The following PPM1H variants were observed in gnomAD, a reference collection of about 807,000 sequenced individuals.
The protein encoded by PPM1H is protein phosphatase 1H.
In PPM1H, 27 loss-of-function variants were observed where a neutral mutation model predicts 54.9. The observed-to-expected ratio is 0.49, with a 90% CI of 0.36 to 0.68. The LOEUF is 0.68. Among genes scored for constraint, PPM1H ranks in the 30% least tolerant of loss-of-function variants. The probability of loss-of-function intolerance (pLI) is 0.00; values close to 1 mark genes in which losing one functional copy is unlikely to be tolerated. For missense variants in PPM1H, 596 were observed against 667.8 expected, an observed-to-expected ratio of 0.89 and a Z score of 1.19; for synonymous variants, 305 against 270.8, an observed-to-expected ratio of 1.13 and a Z score of -1.24.
At chr12:62,891,034 AG>A (rs1165653573) in intron 1 of PPM1H, among the ~76,000 whole-genome samples, 1 of 141,430 alleles carries the variant, frequency 7.1e-6, no homozygotes, top group African/African-American at 2.7e-5. Context: ...GCTTGATCCC[AG>A]GAGGTGGAGG....
chr12:62,793,426 C>T (rs997190915), intron 3 of PPM1H, among the ~76,000 whole-genome samples: 6 of 151,654 alleles, frequency 4.0e-5, no homozygotes, highest in Non-Finnish European at 8.8e-5. Flanking sequence ...AAACGGGAGC[C>T]GAGAAAGCAA....
chr12:62,845,358 T>C (rs1868923581), intron 1 of PPM1H, among the ~76,000 whole-genome samples: 1 of 152,238 alleles, frequency 6.6e-6, no homozygotes, highest in South Asian at 2.1e-4. Context: ...TTCTAACTGT[T>C]GAGCCTATAC....
intron 6 of PPM1H, among the ~76,000 whole-genome samples, chr12:62,700,272 G>A (rs138235773): frequency 6.6e-6 from 1 of 152,108 alleles, no homozygotes; most frequent in East Asian, 1.9e-4. Flanking sequence ...CTGGTCATGT[G>A]GCCTGCAGCA....
chr12:62,811,268 C>T (rs1479547636), intron 2 of PPM1H, among the ~76,000 whole-genome samples: 1 of 152,106 alleles, frequency 6.6e-6, no homozygotes, highest in Admixed American at 6.6e-5. Context: ...GTTAATTGTA[C>T]TGTATGTTTT....
Position 62,787,334 on chromosome 12 carries a change from G to A in PPM1H, c.869+892C>T, listed in dbSNP as rs186866361. Among the ~76,000 whole-genome samples the A allele has an allele frequency of 4.5e-4, 68 of 152,242 alleles. 1 individual carries two copies. The highest frequency in any genetic ancestry group is 1.3e-4 in the Non-Finnish European group (9 of 68,014). On this transcript the variant is annotated intron_variant, in intron 4 of 9. Coordinates refer to ENST00000228705, the MANE Select transcript of PPM1H (RefSeq NM_020700.2). ...AGAATGAGAGTCCTCACAGCCCTTC[G>A]GGGGGAAGAGTCCTGTACTTTTACT...
At chr12:62,679,515 A>G (rs1233649447) in intron 8 of PPM1H, among the ~76,000 whole-genome samples, 1 of 152,210 alleles carries the variant, frequency 6.6e-6, no homozygotes, top group African/African-American at 2.4e-5. Flanking sequence ...GCAGGGGGAT[A>G]CATGTTTTGT....
intron 4 of PPM1H, among the ~76,000 whole-genome samples, chr12:62,764,351 C>CT (rs1302546854): frequency 6.6e-6 from 1 of 152,268 alleles, no homozygotes; most frequent in African/African-American, 2.4e-5. Context: ...GAGATCATGG[C>CT]TGCAAATGCT....
intron 9 of PPM1H, among the ~76,000 whole-genome samples, chr12:62,649,432 C>T (rs2075804372): frequency 6.6e-6 from 1 of 152,096 alleles, no homozygotes; most frequent in Non-Finnish European, 1.5e-5. Context: ...GAAAGACTAA[C>T]TTGGGAAGTG....
intron 2 of PPM1H, 138 bp downstream of exon 2, chr12:62,831,976 C>T: frequency 9.9e-7 from 1 of 1,014,270 alleles, no homozygotes; most frequent in Non-Finnish European, 1.4e-6. Context: ...TGACGATAGG[C>T]CCGCCACCCC....
chr12:62,809,928 A>G (rs1423590068), intron 2 of PPM1H, among the ~76,000 whole-genome samples: 2 of 151,904 alleles, frequency 1.3e-5, no homozygotes, highest in Non-Finnish European at 2.9e-5. Context: ...TTGGAAAACT[A>G]TCCTTCGGTT....
intron 5 of PPM1H, among the ~76,000 whole-genome samples, chr12:62,724,478 T>A (rs906952113): frequency 2.6e-4 from 40 of 152,192 alleles, no homozygotes; most frequent in African/African-American, 9.2e-4. Context: ...GAGGCAGATG[T>A]CTGTGGGTTA....
At chr12:62,731,440 C>T (rs953094371) in intron 5 of PPM1H, among the ~76,000 whole-genome samples, 1 of 152,188 alleles carries the variant, frequency 6.6e-6, no homozygotes, top group African/African-American at 2.4e-5. Context: ...AACCTCCCCA[C>T]TTATAGCCTC....
chr12:62,878,120 G>A (rs1324683456), intron 1 of PPM1H, among the ~76,000 whole-genome samples: 1 of 152,072 alleles, frequency 6.6e-6, no homozygotes, highest in Admixed American at 6.5e-5. Flanking sequence ...GGATGGTCTG[G>A]ATCTCCTGAC....
chr12:62,656,436 C>G (rs991018798), intron 9 of PPM1H, among the ~76,000 whole-genome samples: 1 of 152,212 alleles, frequency 6.6e-6, no homozygotes, highest in African/African-American at 2.4e-5. Flanking sequence ...CCTTTCTCCT[C>G]CCCAGGAGTT....
intron 3 of PPM1H, among the ~76,000 whole-genome samples, chr12:62,799,347 A>G (rs6581459): frequency 0.02 from 3,035 of 152,294 alleles, 116 homozygotes; most frequent in African/African-American, 0.067. Context: ...AGAATGCAGC[A>G]GCTCCAGGTA....
intron 1 of PPM1H, among the ~76,000 whole-genome samples, chr12:62,902,894 T>C (rs1260352513): frequency 6.6e-6 from 1 of 152,192 alleles, no homozygotes; most frequent in East Asian, 1.9e-4. Context: ...AGCCACAGTT[T>C]AGGCAATCAT....
intron 1 of PPM1H, among the ~76,000 whole-genome samples, chr12:62,861,788 C>G (rs1307152913): frequency 2.0e-5 from 3 of 152,218 alleles, no homozygotes; most frequent in African/African-American, 7.2e-5. Context: ...GTGCTTGCAG[C>G]AAGCTGGAGA....
chr12:62,933,601 G>C (rs1264436286), intron 1 of PPM1H, among the ~76,000 whole-genome samples: 1 of 152,124 alleles, frequency 6.6e-6, no homozygotes, highest in Non-Finnish European at 1.5e-5. Context: ...TAGTTTTCCC[G>C]TTTCGTACAG....
chr12:62,658,801 C>T (rs1348421180), intron 9 of PPM1H: 1 of 478,826 alleles, frequency 2.1e-6, no homozygotes, highest in East Asian at 4.6e-5. Context: ...GAAAGAGGGG[C>T]CATCTCCTCC....
Sources: gnomAD v4.1 joint callset for allele counts (sites outside exome capture counted in the v4.1 genomes callset) on GRCh38, gnomAD v4.1.1 for gene constraint, MANE v1.5 for transcripts, NCBI Gene and HGNC (gene_info 2026-07-23, HGNC 2026-07-21) for gene names.